SAMD5: variants seen among roughly 807,000 people sequenced by gnomAD.
The protein encoded by SAMD5 is sterile alpha motif domain-containing protein 5.
Under a neutral mutation model 11.3 loss-of-function variants are expected in SAMD5, and 13 were observed. The ratio of observed to expected loss-of-function variants is 1.15; its 90% CI spans 0.75 to 1.83. The LOEUF (loss-of-function observed/expected upper bound fraction) is 1.83. Among genes scored for constraint, SAMD5 ranks in the 40% most tolerant of loss-of-function variants. The probability of loss-of-function intolerance (pLI) is 0.00; values close to 1 mark genes in which losing one functional copy is unlikely to be tolerated. For missense variants in SAMD5, 255 were observed against 239.1 expected, an observed-to-expected ratio of 1.07 and a Z score of -0.44; for synonymous variants, 129 against 111.3, an observed-to-expected ratio of 1.16 and a Z score of -1.00.
chr6:147,699,662 A>T (rs200535422), intron 1 of SAMD5, among the ~76,000 whole-genome samples: 1 of 152,236 alleles, frequency 6.6e-6, no homozygotes, highest in Non-Finnish European at 1.5e-5. Context: ...GATAGTCCAC[A>T]TGAATGAATC....
the SAMD5 span, among the ~76,000 whole-genome samples, chr6:147,842,926 C>G: frequency 6.6e-6 from 1 of 152,186 alleles, no homozygotes; most frequent in African/African-American, 2.4e-5. Flanking sequence ...GTGGCACGAT[C>G]TTGACTCATT....
At chr6:147,929,776 G>A in the SAMD5 span, among the ~76,000 whole-genome samples, 2 of 152,092 alleles carry the variant, frequency 1.3e-5, no homozygotes, top group African/African-American at 2.4e-5. Flanking sequence ...GGTAACATTG[G>A]GGGGGAAAGT....
At chr6:147,905,071 C>T in the SAMD5 span, among the ~76,000 whole-genome samples, 1 of 151,900 alleles carries the variant, frequency 6.6e-6, no homozygotes, top group Non-Finnish European at 1.5e-5. Context: ...TATTTTTAGT[C>T]GAGACGGGGT....
chr6:147,703,646 A>G (rs56969383), intron 1 of SAMD5, among the ~76,000 whole-genome samples: 26,545 of 152,068 alleles, frequency 0.17, 4,371 homozygotes, highest in African/African-American at 0.44. Flanking sequence ...CCAAATCACA[A>G]TCTCCTTTCT....
chr6:147,791,272 A>G, the SAMD5 span, among the ~76,000 whole-genome samples: 1 of 151,946 alleles, frequency 6.6e-6, no homozygotes, highest in Non-Finnish European at 1.5e-5. Flanking sequence ...CCTAGGCAAC[A>G]AAGTAAGACC....
chr6:147,933,001 T>C, the SAMD5 span, among the ~76,000 whole-genome samples: 5 of 152,176 alleles, frequency 3.3e-5, no homozygotes, highest in Admixed American at 3.3e-4. Context: ...GCAAGCAAGA[T>C]CTAAACCAGC....
the SAMD5 span, among the ~76,000 whole-genome samples, chr6:147,863,255 G>C: frequency 6.6e-6 from 1 of 152,146 alleles, no homozygotes; most frequent in Non-Finnish European, 1.5e-5. Context: ...TGGGGACTTA[G>C]AGGTCTAAGT....
intron 1 of SAMD5, among the ~76,000 whole-genome samples, chr6:147,547,017 C>G (rs1162537514): frequency 2.0e-5 from 3 of 152,148 alleles, no homozygotes; most frequent in Non-Finnish European, 2.9e-5. Context: ...TCCCATTAGT[C>G]GGTCCCACTT....
chr6:147,866,979 A>AT, the SAMD5 span, among the ~76,000 whole-genome samples: 3 of 152,190 alleles, frequency 2.0e-5, no homozygotes, highest in African/African-American at 7.2e-5. Flanking sequence ...GAAAGTCTGT[A>AT]TGAGAAGGAA....
At chr6:147,813,233 G>T in the SAMD5 span, among the ~76,000 whole-genome samples, 2 of 152,154 alleles carry the variant, frequency 1.3e-5, no homozygotes, top group African/African-American at 4.8e-5. Flanking sequence ...TTCAGTTCAG[G>T]GTTCTCTGTA....
the SAMD5 span, among the ~76,000 whole-genome samples, chr6:147,831,728 T>A: frequency 2.0e-5 from 3 of 152,216 alleles, no homozygotes; most frequent in African/African-American, 7.2e-5. Context: ...AGAAAGGATG[T>A]GATCACTTAG....
intron 1 of SAMD5, among the ~76,000 whole-genome samples, chr6:147,719,076 G>C (rs185335466): frequency 8.6e-4 from 131 of 152,326 alleles, no homozygotes; most frequent in African/African-American, 3.1e-3. Context: ...AGATGCTATG[G>C]TGGATCCCAC....
At chr6:147,614,224 T>TACAGAGGCAGAGGCGGGCAG (rs1789831142) in intron 1 of SAMD5, among the ~76,000 whole-genome samples, 1 of 151,692 alleles carries the variant, frequency 6.6e-6, no homozygotes, top group Non-Finnish European at 1.5e-5. Flanking sequence ...ATCCCAACAT[T>TACAGAGGCAGAGGCGGGCAG]TGGGAGGCAG....
intron 1 of SAMD5, among the ~76,000 whole-genome samples, chr6:147,720,571 T>C (rs532765062): frequency 6.6e-6 from 1 of 151,832 alleles, no homozygotes; most frequent in Non-Finnish European, 1.5e-5. Flanking sequence ...ACAGAAAAAA[T>C]GAGGAGAGGA....
chr6:147,842,369 C>G, the SAMD5 span, among the ~76,000 whole-genome samples: 1 of 151,368 alleles, frequency 6.6e-6, no homozygotes, highest in South Asian at 2.1e-4. Flanking sequence ...GAGTGCTCTC[C>G]CAGGTTGTTG....
chr6:147,805,894 T>G, the SAMD5 span, among the ~76,000 whole-genome samples: 1 of 152,150 alleles, frequency 6.6e-6, no homozygotes. Context: ...CTGATCCACT[T>G]AAAGTTCTGA....
the SAMD5 span, among the ~76,000 whole-genome samples, chr6:147,919,404 G>T: frequency 1.3e-5 from 2 of 152,106 alleles, no homozygotes; most frequent in Non-Finnish European, 2.9e-5. Context: ...GAAACCATGC[G>T]CTAGCAGTTA....
chr6:147,675,847 G>A (rs1341643537), intron 1 of SAMD5, among the ~76,000 whole-genome samples: 1 of 152,148 alleles, frequency 6.6e-6, no homozygotes, highest in Admixed American at 6.5e-5. Flanking sequence ...AAGTTCAAGG[G>A]TAATGAAACT....
the SAMD5 span, among the ~76,000 whole-genome samples, chr6:147,828,476 A>G: frequency 2.6e-5 from 4 of 152,198 alleles, no homozygotes; most frequent in East Asian, 1.9e-4. Context: ...CCCACCCTCA[A>G]TCTGGGTGGG....
Sources: allele counts gnomAD v4.1 joint callset (sites outside exome capture counted in the v4.1 genomes callset), GRCh38; gene constraint gnomAD v4.1.1; transcripts MANE v1.5; gene names NCBI Gene and HGNC (gene_info 2026-07-23, HGNC 2026-07-21).